The following JPT2 variants were observed in gnomAD, a reference collection of about 807,000 sequenced individuals.
The protein encoded by JPT2 is Jupiter microtubule associated homolog 2.
JPT2 carries 9 observed loss-of-function variants against 15.9 expected under a neutral mutation model. That is an observed-to-expected ratio of 0.57 (90% CI 0.34 to 0.99). The LOEUF (loss-of-function observed/expected upper bound fraction) is 0.99. Ranked by LOEUF, JPT2 falls within the 50% of genes least tolerant of loss-of-function variation. The pLI is 0.02. For synonymous variants in JPT2, 95 were observed against 91.7 expected (o/e 1.04, Z -0.21); for missense variants, 267 against 252.1 (o/e 1.06, Z -0.40).
chr16:1,688,335 G>A (rs2037082294), intron 2 of JPT2: 1 of 152,228 alleles, frequency 6.6e-6, no homozygotes, highest in Admixed American at 6.5e-5. Flanking sequence ...GTGCTAGTCG[G>A]TGGCAGAGCT....
intron 3 of JPT2, among the ~76,000 whole-genome samples, chr16:1,693,859 T>G (rs1229964734): frequency 1.3e-5 from 2 of 151,860 alleles, no homozygotes; most frequent in Non-Finnish European, 2.9e-5. Context: ...AGAGCAGCCA[T>G]GGGGCCAGAG....
intron 1 of JPT2, among the ~76,000 whole-genome samples, chr16:1,681,049 A>G (rs2037018675): frequency 6.6e-6 from 1 of 152,202 alleles, no homozygotes; most frequent in Admixed American, 6.5e-5. Context: ...GGGTACCACA[A>G]AAGGCAAAAA....
chr16:1,685,053 A>G (rs903624458), intron 1 of JPT2, among the ~76,000 whole-genome samples: 1 of 152,022 alleles, frequency 6.6e-6, no homozygotes, highest in Non-Finnish European at 1.5e-5. Context: ...TTTGCTGGGT[A>G]TGGTGGCTCA....
chr16:1,682,784 C>A (rs1041523339), intron 1 of JPT2, among the ~76,000 whole-genome samples: 1 of 152,164 alleles, frequency 6.6e-6, no homozygotes, highest in African/African-American at 2.4e-5. Flanking sequence ...TCTTGTTAAG[C>A]CACGCCCTCC....
In JPT2 at chr16:1,696,319, A is replaced by G. The variant is rs181256234; in HGVS notation, c.337-1493A>G. On this transcript the variant is annotated intron_variant, in intron 3 of 4. Coordinates refer to ENST00000248098, the MANE Select transcript of JPT2 (RefSeq NM_144570.3). ...GGGAGGCTGAGGCAGGCGGATCACG[A>G]GGTCAGATCAAGACCATCCTGGCTA... Among the ~76,000 whole-genome samples the G allele has an allele frequency of 9.9e-3, 1,509 of 152,166 alleles. 17 individuals carry two copies. Among genetic ancestry groups the G allele is most frequent in the Non-Finnish European group, 0.012 (847 of 67,994 alleles).
chr16:1,683,426 A>C, intron 1 of JPT2: 1 of 895,646 alleles, frequency 1.1e-6, no homozygotes, highest in East Asian at 2.6e-5. Flanking sequence ...TTTCTCATTT[A>C]AGCTTGGTTA....
At position 1,685,470 on chromosome 16, in the gene JPT2, A is replaced by G. The variant is rs764264367; in HGVS notation, c.76A>G (p.Asn26Asp). 1.2e-6 allele frequency: 2 copies of G among 1,614,102 alleles called. No homozygotes were observed. Among genetic ancestry groups the G allele is most frequent in the African/African-American group, 2.7e-5 (2 of 74,940 alleles). The change falls in exon 2 of 5, where the codon AAT (asparagine) becomes GAT (aspartate). Residue 26 changes from asparagine (N) to aspartate (D), a missense_variant. Physicochemically the swap from Asn to Asp is conservative, Grantham distance 23. Coordinates refer to ENST00000248098, the MANE Select transcript of JPT2 (RefSeq NM_144570.3). ...AMKPPGGESSNLFGSPEEATP... is the reference protein window; with the variant it reads ...AMKPPGGESSDLFGSPEEATP... ...GAAGCCCCCAGGAGGAGAATCGAGC[A>G]ATCTTTTTGGAAGTCCAGAAGAAGC...
chr16:1,678,326 C>T lies in JPT2; in HGVS notation c.14C>T (p.Pro5Leu). MFQV[P>L]DSEGGRAGSR... ...GCGGCGGTCGACATGTTCCAGGTCC[C>T]GGATAGCGAGGGCGGCCGCGCCGGC... The change falls in exon 1 of 5, where the codon CCG becomes CTG. Residue 5 changes from proline to leucine, a missense_variant. Transcript: ENST00000248098. The T allele has an allele frequency of 1.6e-6, 2 of 1,236,584 alleles. No individual in the cohort carries two copies. The highest frequency in any genetic ancestry group is 1.0e-6 in the Non-Finnish European group (1 of 987,278). The allele number at this position is 1,236,584 out of a possible 1,614,324, so 76.6% of individuals were successfully genotyped here. A position where few individuals can be genotyped will look rare whatever the true frequency, so the allele number is the denominator to read the frequency against.
In JPT2 at chr16:1,699,056, G is replaced by A; in HGVS notation, c.*58G>A. On this transcript the variant is annotated 3_prime_UTR_variant, in exon 5 of 5. Coordinates refer to ENST00000248098, the MANE Select transcript of JPT2 (RefSeq NM_144570.3). ...GAAACTCAAGAGATAGGGTAGCCAT[G>A]TTTTCATTTCCTTTTGCCCAAATGA... 6.4e-7 allele frequency: 1 copy of A among 1,562,276 alleles called. No individual in the cohort carries two copies. Among genetic ancestry groups the A allele is most frequent in the Non-Finnish European group, 8.8e-7 (1 of 1,138,700 alleles).
chr16:1,687,124 G>A (rs971498714), intron 2 of JPT2, among the ~76,000 whole-genome samples: 14 of 152,084 alleles, frequency 9.2e-5, no homozygotes, highest in African/African-American at 2.2e-4. Context: ...CTGGGACTAC[G>A]GGCGTATGCC....
rs1005578018 is a variant in JPT2 at position 1,698,318 on chromosome 16, A to G, written c.385+458A>G. 2.0e-5 allele frequency among the ~76,000 whole-genome samples: 3 copies of G among 152,296 alleles called. No homozygotes were observed. The highest frequency in any genetic ancestry group is 2.1e-4 in the South Asian group (1 of 4,826). ...CTCCCCACGGCTCTTTAGCCTGACC[A>G]TGGGCATCGGTTTCTGCCTTTGGGT... On this transcript the variant is annotated intron_variant, in intron 4 of 4. Coordinates refer to ENST00000248098, the MANE Select transcript of JPT2 (RefSeq NM_144570.3). The surrounding 1 kb of genome is among the most constrained non-coding windows in gnomAD (Gnocchi z 4.9).
At chr16:1,691,136 A>AG (rs2037101118) in intron 2 of JPT2, among the ~76,000 whole-genome samples, 1 of 152,212 alleles carries the variant, frequency 6.6e-6, no homozygotes. Flanking sequence ...TGCTGAGTGA[A>AG]GAGATGATCA....
intron 2 of JPT2, chr16:1,689,136 C>T (rs1012589108): frequency 6.6e-6 from 1 of 151,924 alleles, no homozygotes; most frequent in African/African-American, 2.4e-5. Context: ...TTATGTTTCA[C>T]AGTTTAACTA....
At position 1,697,804 on chromosome 16, in the gene JPT2, T is replaced by G. The variant is rs375363521; in HGVS notation, c.337-8T>G. On this transcript the variant is annotated splice_polypyrimidine_tract_variant and splice_region_variant and intron_variant, in intron 3 of 4. Coordinates refer to ENST00000248098, the MANE Select transcript of JPT2 (RefSeq NM_144570.3). ...TGAGTCCTGATTTGGTGGTTTGCCT[T>G]GTTGCAGGATCATGTTTTCTTATGT... is the stretch of plus-strand genomic sequence containing the variant. 6.2e-7 allele frequency: 1 copy of G among 1,613,782 alleles called. No individual in the cohort carries two copies. Among genetic ancestry groups the G allele is most frequent in the Non-Finnish European group, 8.5e-7 (1 of 1,179,892 alleles).
rs777972486 is a variant in JPT2, at chr16:1,690,883, C to G, written c.194-960C>G. ...CTGTTGTAAGCATTTGACATATGAG[C>G]TACAGTAACTCACTGAGCTTTCTTC... On this transcript the variant is annotated intron_variant, in intron 2 of 4. Transcript: ENST00000248098. 1.2e-4 allele frequency among the ~76,000 whole-genome samples: 19 copies of G among 152,214 alleles called. 1 individual carries two copies. Among genetic ancestry groups the G allele is most frequent in the Non-Finnish European group, 2.1e-4 (14 of 68,036 alleles).
chr16:1,698,982 G>T lies in JPT2; in HGVS notation c.557G>T (p.Ser186Ile). The change falls in exon 5 of 5, where the codon AGC becomes ATC. Residue 186 changes from serine to isoleucine, a missense_variant. Physicochemically the swap from Ser to Ile is moderately radical, Grantham distance 142. Coordinates refer to ENST00000248098, the MANE Select transcript of JPT2 (RefSeq NM_144570.3). The surrounding 1 kb of genome is among the most constrained non-coding windows in gnomAD (Gnocchi z 4.9). ...KVLNPPGGKSSISFY is the reference protein window; with the variant it reads ...KVLNPPGGKSIISFY The stretch of plus-strand genomic sequence containing the variant: ...CTGAACCCACCGGGAGGCAAATCCA[G>T]CATCTCCTTCTACTAAGAGAAGCCA... 1 of 1,612,838 alleles carries T rather than the reference G, an allele frequency of 6.2e-7. No individual in the cohort carries two copies. The highest frequency in any genetic ancestry group is 8.5e-7 in the Non-Finnish European group (1 of 1,179,316).
At chr16:1,680,443 A>G in intron 1 of JPT2, 1 of 1,228,264 alleles carries the variant, frequency 8.1e-7, no homozygotes, top group Non-Finnish European at 1.0e-6. Context: ...GAAAGGGAGA[A>G]AACTCTTCCT....
At chr16:1,687,354 G>C (rs1411040470) in intron 2 of JPT2, among the ~76,000 whole-genome samples, 1 of 152,144 alleles carries the variant, frequency 6.6e-6, no homozygotes, top group Admixed American at 6.5e-5. Context: ...AGAGAAATGA[G>C]TGTTTCTTAT....
At chr16:1,697,421 G>A (rs532410213) in intron 3 of JPT2, among the ~76,000 whole-genome samples, 398 of 152,076 alleles carry the variant, frequency 2.6e-3, no homozygotes, top group Non-Finnish European at 4.6e-3. Context: ...GCTGAGATGT[G>A]AGGATCGCTT....
Sources: allele counts gnomAD v4.1 joint callset (sites outside exome capture counted in the v4.1 genomes callset), GRCh38; gene constraint gnomAD v4.1.1; non-coding constraint Gnocchi (gnomAD v3.1); transcripts MANE v1.5; gene names NCBI Gene and HGNC (gene_info 2026-07-23, HGNC 2026-07-21).